SMARCA2: variants seen among roughly 807,000 people sequenced by gnomAD.
SMARCA2 encodes the protein SWI/SNF related BAF chromatin remodeling complex subunit ATPase 2.
Under a neutral mutation model 199.8 loss-of-function variants are expected in SMARCA2, and 61 were observed. That is an observed-to-expected ratio of 0.31 (90% CI 0.25 to 0.38). The LOEUF is 0.38. Ranked by LOEUF, SMARCA2 falls within the 10% of genes least tolerant of loss-of-function variation. The pLI is 1.00. For missense variants in SMARCA2, 1,344 were observed against 2,012.2 expected (o/e 0.67, Z 6.35); for synonymous variants, 935 against 732.0 (o/e 1.28, Z -4.48).
At chr9:2,112,808 A>C (rs951966995) in intron 24 of SMARCA2, among the ~76,000 whole-genome samples, 4 of 152,200 alleles carry the variant, frequency 2.6e-5, no homozygotes, top group Non-Finnish European at 5.9e-5. Context: ...TATAGTGATA[A>C]AGATCCATCT....
chr9:2,074,820 G>A (rs1275184236), intron 12 of SMARCA2, among the ~76,000 whole-genome samples: 2 of 152,224 alleles, frequency 1.3e-5, no homozygotes, highest in Non-Finnish European at 2.9e-5. Context: ...AGCTGAGGTC[G>A]TGCCACTGCA....
chr9:2,086,529 G>A lies in SMARCA2; in HGVS notation c.2527-300G>A, dbSNP rs573086034. On this transcript the variant is annotated intron_variant, in intron 17 of 33. Transcript: ENST00000349721. This position sits in a 1 kb window ranked among gnomAD's most constrained non-coding sequence, Gnocchi z 4.3. ...AAGGGGCATTGGATGGGGAGAGGCA[G>A]GATCCACACGTGGAAACAACCATGT... is the stretch of plus-strand genomic sequence containing the variant. 6.6e-6 allele frequency among the ~76,000 whole-genome samples: 1 copy of A among 152,146 alleles called. No individual in the cohort carries two copies. Among genetic ancestry groups the A allele is most frequent in the East Asian group, 1.9e-4 (1 of 5,176 alleles).
chr9:2,023,761 C>A (rs1408309220), intron 1 of SMARCA2, among the ~76,000 whole-genome samples: 1 of 152,166 alleles, frequency 6.6e-6, no homozygotes, highest in Non-Finnish European at 1.5e-5. Flanking sequence ...GTGCTTGAGG[C>A]CCAGTTCTGA....
At chr9:2,173,009 G>C (rs1303893180) in intron 29 of SMARCA2, among the ~76,000 whole-genome samples, 1 of 152,124 alleles carries the variant, frequency 6.6e-6, no homozygotes, top group African/African-American at 2.4e-5. Context: ...AGGAAGACAA[G>C]GGAATAAATA....
intron 29 of SMARCA2, among the ~76,000 whole-genome samples, chr9:2,179,547 G>A (rs760635968): frequency 2.0e-5 from 3 of 152,020 alleles, no homozygotes; most frequent in Admixed American, 2.0e-4. Context: ...CTCCTTATGG[G>A]GTTTAGAATT....
intron 30 of SMARCA2, 71 bp downstream of exon 30, chr9:2,181,747 G>C (rs1827037512): frequency 1.2e-6 from 1 of 867,068 alleles, no homozygotes. Context: ...TGAAATGGTT[G>C]TAGTTGGAGC....
At chr9:2,091,294 C>G (rs1017937526) in intron 19 of SMARCA2, among the ~76,000 whole-genome samples, 1 of 152,184 alleles carries the variant, frequency 6.6e-6, no homozygotes, top group African/African-American at 2.4e-5. Context: ...TAGCCTCATG[C>G]AGCCACTCAT....
chr9:2,034,564 C>G (rs531786885), intron 3 of SMARCA2, among the ~76,000 whole-genome samples: 2 of 152,296 alleles, frequency 1.3e-5, no homozygotes, highest in Admixed American at 1.3e-4. Context: ...TATTCCAATT[C>G]AAGGTTTATG....
chr9:2,159,002 G>A (rs753647384), intron 27 of SMARCA2: 2 of 1,611,126 alleles, frequency 1.2e-6, no homozygotes, highest in Non-Finnish European at 1.7e-6. Flanking sequence ...GTGTTTCCTT[G>A]TAATTCCAAA....
chr9:2,060,118 CAAAAAAAAAAAAAA>C (rs372329238), intron 8 of SMARCA2, among the ~76,000 whole-genome samples: 22,423 of 63,602 alleles, frequency 0.35, 2,399 homozygotes, highest in Middle Eastern at 0.5. Context: ...GATCTGTGGC[CAAAAAAAAAAAAAA>C]AAAAAAAAAA....
At chr9:2,033,128 T>A in intron 3 of SMARCA2, 47 bp downstream of exon 3, 4 of 1,596,744 alleles carry the variant, frequency 2.5e-6, no homozygotes, top group Non-Finnish European at 3.4e-6. Context: ...GCATAGTCTT[T>A]CAGTCTTTCC....
rs375998902 is a variant in SMARCA2, at chr9:2,100,130, CGGT to C, written c.3079-1437_3079-1435del. Among the ~76,000 whole-genome samples, 67 of 152,292 alleles carry C rather than the reference CGGT, an allele frequency of 4.4e-4. 1 individual carries two copies. The highest frequency in any genetic ancestry group is 1.5e-3 in the African/African-American group (61 of 41,576). On this transcript the variant is annotated intron_variant, in intron 21 of 33. Coordinates refer to ENST00000349721, the MANE Select transcript of SMARCA2 (RefSeq NM_003070.5). ...AGGGAAAGCAGAAAAGGGAGACAGC[CGGT>C]GGCTGATGTGAAGGTGTAACCTGCT...
chr9:2,074,544 AGTTAC>A (rs1821237400), intron 12 of SMARCA2, among the ~76,000 whole-genome samples: 1 of 152,188 alleles, frequency 6.6e-6, no homozygotes, highest in Non-Finnish European at 1.5e-5. Flanking sequence ...GAATAATAAA[AGTTAC>A]ATTACAAAAA....
At chr9:2,062,509 CAATT>C (rs1206798083) in intron 9 of SMARCA2, among the ~76,000 whole-genome samples, 3 of 152,176 alleles carry the variant, frequency 2.0e-5, no homozygotes, top group Non-Finnish European at 4.4e-5. Flanking sequence ...GAAAGATACA[CAATT>C]GAGTGTTGAT....
chr9:2,057,273 G>T (rs78767793), intron 7 of SMARCA2, among the ~76,000 whole-genome samples: 2 of 152,184 alleles, frequency 1.3e-5, no homozygotes, highest in Non-Finnish European at 2.9e-5. Flanking sequence ...GTTTTCTTAC[G>T]TGGTGGAAGC....
rs1821820471 is a variant in SMARCA2 at position 2,086,784 on chromosome 9, T to A, written c.2527-45T>A. 7 of 1,607,518 alleles carry A rather than the reference T, an allele frequency of 4.4e-6. No individual in the cohort carries two copies. In the East Asian group the frequency reaches 1.3e-4, roughly 31 times the overall value. On this transcript the variant is annotated intron_variant, in intron 17 of 33. Transcript: ENST00000349721. The surrounding 1 kb of genome is among the most constrained non-coding windows in gnomAD (Gnocchi z 4.3). Reference sequence around the variant, plus strand: ...CACTTGCTTGTTGGAAATAGTTGTATTTTCCCTTGCTTACTACACGTCCGT... The same window carrying A: ...CACTTGCTTGTTGGAAATAGTTGTAATTTCCCTTGCTTACTACACGTCCGT...
At chr9:2,065,328 T>G (rs1192701120) in intron 9 of SMARCA2, among the ~76,000 whole-genome samples, 1 of 152,234 alleles carries the variant, frequency 6.6e-6, no homozygotes, top group Admixed American at 6.5e-5. Context: ...TTTGTGACAT[T>G]TTTTGGAAAC....
Position 2,086,492 on chromosome 9 carries a change from A to G in SMARCA2, c.2527-337A>G, listed in dbSNP as rs1821808962. ...GAAATCTGGGATAGCTGTCATGATA[A>G]CGTATTAATAGAAGGGGCATTGGAT... On this transcript the variant is annotated intron_variant, in intron 17 of 33. Transcript: ENST00000349721. The surrounding 1 kb of genome is among the most constrained non-coding windows in gnomAD (Gnocchi z 4.3). Among the ~76,000 whole-genome samples the G allele has an allele frequency of 6.6e-6, 1 of 152,216 alleles. No homozygotes were observed. Among genetic ancestry groups the G allele is most frequent in the South Asian group, 2.1e-4 (1 of 4,826 alleles).
At chr9:2,136,236 G>A (rs1824191051) in intron 27 of SMARCA2, among the ~76,000 whole-genome samples, 1 of 149,070 alleles carries the variant, frequency 6.7e-6, no homozygotes. Flanking sequence ...TGCCCCGGCT[G>A]GAGTGCAGTG....
Sources: allele counts gnomAD v4.1 joint callset (sites outside exome capture counted in the v4.1 genomes callset), GRCh38; gene constraint gnomAD v4.1.1; non-coding constraint Gnocchi (gnomAD v3.1); transcripts MANE v1.5; gene names NCBI Gene and HGNC (gene_info 2026-07-23, HGNC 2026-07-21).